The following BCL9 variants were observed in gnomAD, a reference collection of about 807,000 sequenced individuals.
The protein encoded by BCL9 is BCL9 transcription coactivator.
Under a neutral mutation model 88.5 loss-of-function variants are expected in BCL9, and 25 were observed. The ratio of observed to expected loss-of-function variants is 0.28; its 90% CI spans 0.21 to 0.39. The LOEUF (loss-of-function observed/expected upper bound fraction) is 0.39. BCL9 is among the 10% of genes least tolerant of loss of function. The pLI is 1.00. For missense variants in BCL9, 1,817 were observed against 1,877.8 expected, an observed-to-expected ratio of 0.97 and a Z score of 0.60; for synonymous variants, 711 against 673.3, an observed-to-expected ratio of 1.06 and a Z score of -0.87.
chr1:147,616,125 T>C (rs1194376472), intron 7 of BCL9, among the ~76,000 whole-genome samples: 1 of 152,190 alleles, frequency 6.6e-6, no homozygotes. Context: ...GGGAAGAAGA[T>C]GCAAACTAAA....
intron 7 of BCL9, 141 bp from the exon 8 acceptor site, chr1:147,618,675 G>A (rs1658425689): frequency 1.3e-6 from 1 of 778,460 alleles, no homozygotes; most frequent in Non-Finnish European, 1.9e-6. Context: ...CCCAAAAGAG[G>A]GTTGTACGTG....
chr1:147,617,103 T>A (rs1658320743), intron 7 of BCL9, among the ~76,000 whole-genome samples: 1 of 152,232 alleles, frequency 6.6e-6, no homozygotes, highest in Non-Finnish European at 1.5e-5. Context: ...AAAAGGAATT[T>A]CATATTCCCC....
At chr1:147,587,796 G>A (rs1431456411) in intron 1 of BCL9, among the ~76,000 whole-genome samples, 1 of 148,134 alleles carries the variant, frequency 6.8e-6, no homozygotes, top group Non-Finnish European at 1.5e-5. Context: ...GTGTGTGTGT[G>A]GTGTTTGATG....
chr1:147,578,251 C>T (rs1018842094), intron 1 of BCL9, among the ~76,000 whole-genome samples: 22 of 152,274 alleles, frequency 1.4e-4, no homozygotes, highest in African/African-American at 4.8e-4. Flanking sequence ...GGACTTCCTC[C>T]TCCCATGTCA....
intron 1 of BCL9, among the ~76,000 whole-genome samples, chr1:147,583,025 T>G (rs1656436920): frequency 6.6e-6 from 1 of 152,228 alleles, no homozygotes; most frequent in Non-Finnish European, 1.5e-5. Flanking sequence ...AAAAATACAA[T>G]TAACTTAGCA....
chr1:147,601,979 C>T (rs587720196), intron 1 of BCL9, among the ~76,000 whole-genome samples: 2 of 152,342 alleles, frequency 1.3e-5, no homozygotes, highest in African/African-American at 4.8e-5. Flanking sequence ...CGGCTCACTG[C>T]AACCTCCGCC....
intron 3 of BCL9, among the ~76,000 whole-genome samples, chr1:147,611,178 A>G (rs1191127549): frequency 6.6e-6 from 1 of 152,180 alleles, no homozygotes; most frequent in Non-Finnish European, 1.5e-5. Context: ...AACACCAGAT[A>G]GTCACTATGG....
intron 1 of BCL9, among the ~76,000 whole-genome samples, chr1:147,590,926 A>G (rs1570870937): frequency 6.6e-6 from 1 of 152,242 alleles, no homozygotes; most frequent in East Asian, 1.9e-4. Flanking sequence ...GGCTGTGAAT[A>G]TAAAAGAATA....
At chr1:147,568,292 A>G (rs1655703389) in intron 1 of BCL9, among the ~76,000 whole-genome samples, 1 of 152,152 alleles carries the variant, frequency 6.6e-6, no homozygotes, top group Non-Finnish European at 1.5e-5. Context: ...ATCTAACAGC[A>G]AAATCTTCCT....
intron 1 of BCL9, among the ~76,000 whole-genome samples, chr1:147,545,911 G>GA (rs1346391835): frequency 2.0e-5 from 3 of 152,128 alleles, no homozygotes; most frequent in Non-Finnish European, 4.4e-5. Flanking sequence ...GGACTCACAA[G>GA]AAAATGAGGG....
At chr1:147,614,751 A>T (rs1046560087) in intron 6 of BCL9, 135 bp downstream of exon 6, 1 of 971,050 alleles carries the variant, frequency 1.0e-6, no homozygotes, top group African/African-American at 1.7e-5. Context: ...CCCCAACCCA[A>T]ACTCCCCCAG....
At chr1:147,607,601 T>C (rs919891257) in intron 3 of BCL9, among the ~76,000 whole-genome samples, 6 of 152,242 alleles carry the variant, frequency 3.9e-5, no homozygotes, top group African/African-American at 9.6e-5. Context: ...ATTCTTCTCC[T>C]CTGAAAAAGA....
In BCL9 at chr1:147,611,824, A is replaced by G. The variant is rs782520691; in HGVS notation, c.-13A>G. 4.3e-6 allele frequency: 7 copies of G among 1,613,828 alleles called. No individual in the cohort carries two copies. The East Asian group carries it at 6.7e-5, about 15-fold the overall frequency. On this transcript the variant is annotated 5_prime_UTR_variant, in exon 4 of 10. Transcript: ENST00000234739. ...CTGTCCCGTTTGTGACTGCAAGCTCAGGATTTCAATCAATGCATTCCAGTA... is the reference window on the plus strand; with the variant it reads ...CTGTCCCGTTTGTGACTGCAAGCTCGGGATTTCAATCAATGCATTCCAGTA...
At chr1:147,579,878 TC>T (rs1656286043) in intron 1 of BCL9, among the ~76,000 whole-genome samples, 1 of 152,212 alleles carries the variant, frequency 6.6e-6, no homozygotes, top group Non-Finnish European at 1.5e-5. Flanking sequence ...TTCCTGACTA[TC>T]ACTTTGGGTT....
intron 1 of BCL9, among the ~76,000 whole-genome samples, chr1:147,604,278 G>A (rs1040919110): frequency 6.6e-6 from 1 of 152,156 alleles, no homozygotes; most frequent in African/African-American, 2.4e-5. Context: ...TTGGGAGTCC[G>A]TGGGATCCCA....
At chr1:147,582,206 C>T (rs587615017) in intron 1 of BCL9, among the ~76,000 whole-genome samples, 30 of 152,268 alleles carry the variant, frequency 2.0e-4, no homozygotes, top group Admixed American at 3.9e-4. Flanking sequence ...TGTGATAAAA[C>T]GTTTCTGTGA....
At chr1:147,612,554 T>A (rs979328392) in intron 4 of BCL9, among the ~76,000 whole-genome samples, 12 of 152,172 alleles carry the variant, frequency 7.9e-5, no homozygotes, top group Non-Finnish European at 1.6e-4. Context: ...GCCTGTTTGT[T>A]TACTCTGAGC....
chr1:147,613,067 G>C lies in BCL9; in HGVS notation c.238G>C (p.Gly80Arg). Residue 80 changes from glycine (G) to arginine (R), a missense_variant, in exon 5 of 10, where the codon GGT (glycine) becomes CGT (arginine). Coordinates refer to ENST00000234739, the MANE Select transcript of BCL9 (RefSeq NM_004326.4). ...TACCCCTAAAGCACTCCCTGGCCCA[G>C]GTGGGAGCATGGGGCTGAAGAATGG... is the stretch of plus-strand genomic sequence containing the variant. ...GHTPKALPGPGGSMGLKNGAG... is the reference protein window; with the variant it reads ...GHTPKALPGPRGSMGLKNGAG... The C allele has an allele frequency of 6.2e-7, 1 of 1,613,734 alleles. No homozygotes were observed. The highest frequency in any genetic ancestry group is 8.5e-7 in the Non-Finnish European group (1 of 1,179,698).
At chr1:147,568,709 TTAGA>T (rs1462986093) in intron 1 of BCL9, among the ~76,000 whole-genome samples, 9 of 152,150 alleles carry the variant, frequency 5.9e-5, no homozygotes, top group Admixed American at 3.3e-4. Context: ...ACATGGTAAG[TTAGA>T]TAGTAAGATG....
Sources: gnomAD v4.1 joint callset for allele counts (sites outside exome capture counted in the v4.1 genomes callset) on GRCh38, gnomAD v4.1.1 for gene constraint, MANE v1.5 for transcripts, NCBI Gene and HGNC (gene_info 2026-07-23, HGNC 2026-07-21) for gene names.